The following SYT3 variants were observed in gnomAD, a reference collection of about 807,000 sequenced individuals.
SYT3 encodes the protein synaptotagmin 3.
Under a neutral mutation model 50.6 loss-of-function variants are expected in SYT3, and 25 were observed. The ratio of observed to expected loss-of-function variants is 0.49; its 90% CI spans 0.36 to 0.69. SYT3 has a LOEUF of 0.69. Ranked by LOEUF, SYT3 falls within the 30% of genes least tolerant of loss-of-function variation. The probability of loss-of-function intolerance (pLI) is 0.00; values close to 1 mark genes in which losing one functional copy is unlikely to be tolerated. For missense variants in SYT3, 589 were observed against 793.6 expected, an observed-to-expected ratio of 0.74 and a Z score of 3.10; for synonymous variants, 323 against 353.9, an observed-to-expected ratio of 0.91 and a Z score of 0.98.
In SYT3 at chr19:50,632,436, A is replaced by ACTG. The variant is rs753450517; in HGVS notation, c.521_523dup (p.Ala174dup). ...TTGGCTCGGTTTGACCCCAGCGGCC[A>ACTG]CTGCTGCTGCTGCAGCCTCTGGATA... On this transcript the variant is annotated inframe_insertion, in exon 4 of 11. Transcript: ENST00000600079. This position sits in a 1 kb window ranked among gnomAD's most constrained non-coding sequence, Gnocchi z 4.7. 89 of 1,613,236 alleles carry ACTG rather than the reference A, an allele frequency of 5.5e-5. No individual in the cohort carries two copies. Among genetic ancestry groups the ACTG allele is most frequent in the Non-Finnish European group, 7.0e-5 (82 of 1,179,848 alleles).
chr19:50,640,347 A>G (rs1000280466), upstream of SYT3, among the ~76,000 whole-genome samples: 3 of 152,228 alleles, frequency 2.0e-5, no homozygotes, highest in African/African-American at 7.2e-5. Flanking sequence ...AATACACACC[A>G]TAAACTTATT....
At chr19:50,649,445 A>G in the SYT3 span, 5 of 1,536,072 alleles carry the variant, frequency 3.3e-6, no homozygotes, top group African/African-American at 2.7e-5. Context: ...CCTTCCCAGG[A>G]TGCAGCCAGA....
At chr19:50,623,583 C>G (rs1213863610) in intron 9 of SYT3, among the ~76,000 whole-genome samples, 1 of 133,296 alleles carries the variant, frequency 7.5e-6, no homozygotes, top group African/African-American at 3.0e-5. Flanking sequence ...TTGAGACCAG[C>G]CTGGACAACA....
rs1166446177 is a variant in SYT3, at chr19:50,625,560, G to A, written c.1407C>T (p.Pro469=). The part of the protein sequence containing the change: ...KAMDLTGFSD[P]YVKASLISEG... ...CGCTGATCAGGGAGGCCTTCACGTA[G>A]GGGTCTGGGAACAGCAATGAAGTAA... is the stretch of plus-strand genomic sequence containing the variant. The change falls in exon 8 of 11, where the codon CCC becomes CCT. Residue 469 remains proline (P), a synonymous_variant. Transcript: ENST00000600079. The surrounding 1 kb of genome is among the most constrained non-coding windows in gnomAD (Gnocchi z 7.5). The A allele has an allele frequency of 6.3e-7, 1 of 1,589,382 alleles. No homozygotes were observed. The highest frequency in any genetic ancestry group is 8.6e-7 in the Non-Finnish European group (1 of 1,168,696).
intron 4 of SYT3, among the ~76,000 whole-genome samples, chr19:50,631,882 T>G (rs562844632): frequency 3.2e-4 from 49 of 152,084 alleles, no homozygotes; most frequent in African/African-American, 1.2e-3. Flanking sequence ...TACATTTACA[T>G]GTATATTGAG....
At position 50,625,710 on chromosome 19, in the gene SYT3, C is replaced by T; in HGVS notation, c.1403-146G>A. The T allele has an allele frequency of 7.1e-7, 1 of 1,417,224 alleles. No individual in the cohort carries two copies. The highest frequency in any genetic ancestry group is 1.4e-5 in the South Asian group (1 of 73,132). The allele number at this position is 1,417,224 out of a possible 1,614,324, so 87.8% of individuals were successfully genotyped here. A position where few individuals can be genotyped will look rare whatever the true frequency, so the allele number is the denominator to read the frequency against. The stretch of plus-strand genomic sequence containing the variant: ...CCCTCCTTCCTCAGGCCCAAGAGTC[C>T]AGACCCCAGGTCCTCCTCTCTCCGA... On this transcript the variant is annotated intron_variant, in intron 7 of 10. Transcript: ENST00000600079. The surrounding 1 kb of genome is among the most constrained non-coding windows in gnomAD (Gnocchi z 7.5).
At chr19:50,627,112 G>GC (rs1321236296) in intron 6 of SYT3, among the ~76,000 whole-genome samples, 1 of 152,204 alleles carries the variant, frequency 6.6e-6, no homozygotes, top group Non-Finnish European at 1.5e-5. Flanking sequence ...AGCCACGCTG[G>GC]AGCTAGCTGG....
intron 9 of SYT3, among the ~76,000 whole-genome samples, chr19:50,623,184 T>C (rs1006251225): frequency 2.0e-5 from 3 of 151,992 alleles, no homozygotes; most frequent in African/African-American, 7.3e-5. Context: ...GCCACCAGCG[T>C]TGCCCAACAT....
chr19:50,645,759 A>G, the SYT3 span, among the ~76,000 whole-genome samples: 1 of 152,148 alleles, frequency 6.6e-6, no homozygotes, highest in Non-Finnish European at 1.5e-5. Flanking sequence ...GTGCGCCTGT[A>G]GTTCCACCTA....
chr19:50,626,086 C>G, intron 6 of SYT3, 69 bp from the exon 7 acceptor site: 4 of 1,551,608 alleles, frequency 2.6e-6, no homozygotes. Flanking sequence ...ATTTTCTCTC[C>G]GGTCGGAGCC....
chr19:50,644,652 T>C (rs1473201770), upstream of SYT3, among the ~76,000 whole-genome samples: 1 of 151,396 alleles, frequency 6.6e-6, no homozygotes, highest in Non-Finnish European at 1.5e-5. Flanking sequence ...TGTGGATGGG[T>C]GGATGGATGT....
At chr19:50,631,138 GAA>G (rs1984286196) in intron 4 of SYT3, among the ~76,000 whole-genome samples, 1 of 149,002 alleles carries the variant, frequency 6.7e-6, no homozygotes. Context: ...TCACATCTCT[GAA>G]GTTTTCTTTT....
At chr19:50,641,142 G>C (rs1434713086), upstream of SYT3, among the ~76,000 whole-genome samples, 13 of 150,602 alleles carry the variant, frequency 8.6e-5, no homozygotes, top group East Asian at 2.6e-3. Context: ...AGGAGGCTGA[G>C]GTGGGAGGAT....
intron 2 of SYT3, among the ~76,000 whole-genome samples, chr19:50,638,222 C>T (rs776794878): frequency 3.9e-5 from 6 of 152,140 alleles, no homozygotes; most frequent in South Asian, 4.2e-4. Flanking sequence ...GGGGCAGTGG[C>T]GCCAGGATGG....
chr19:50,643,926 G>C (rs915366220), upstream of SYT3, among the ~76,000 whole-genome samples: 1 of 152,166 alleles, frequency 6.6e-6, no homozygotes, highest in African/African-American at 2.4e-5. Context: ...TTTCAGCTGA[G>C]CTCAGAAGGA....
the SYT3 span, among the ~76,000 whole-genome samples, chr19:50,656,923 G>A: frequency 2.2e-4 from 32 of 148,116 alleles, no homozygotes; most frequent in Non-Finnish European, 2.7e-4. Context: ...CTGCACTCCA[G>A]CCTGGGTGAC....
In SYT3 at chr19:50,630,157, G is replaced by A. The variant is rs1235455746; in HGVS notation, c.689C>T (p.Pro230Leu). 6.4e-7 allele frequency: 1 copy of A among 1,565,424 alleles called. No individual in the cohort carries two copies. Among genetic ancestry groups the A allele is most frequent in the Middle Eastern group, 2.0e-4 (1 of 4,918 alleles). Residue 230 changes from proline (P) to leucine (L), a missense_variant, in exon 5 of 11, where the codon CCC (proline) becomes CTC (leucine). Transcript: ENST00000600079. ...CAGAGTCTGCTGGGTGAGGGGTCGG[G>A]GCAGGGCTGGGTACCTGTAGGGGGT... ...LAPTTRYPAL[P>L]RPLTQQTLTS...
chr19:50,624,422 C>T (rs1316720663), intron 9 of SYT3, among the ~76,000 whole-genome samples: 1 of 152,124 alleles, frequency 6.6e-6, no homozygotes, highest in Non-Finnish European at 1.5e-5. Context: ...AATAATTTGA[C>T]TTTCTTGGCT....
intron 3 of SYT3, among the ~76,000 whole-genome samples, chr19:50,636,728 T>C (rs950116722): frequency 2.6e-5 from 4 of 152,326 alleles, no homozygotes; most frequent in South Asian, 4.1e-4. Context: ...TGAGTAATCA[T>C]TGAGATGTGC....
Sources: gnomAD v4.1 joint callset for allele counts (sites outside exome capture counted in the v4.1 genomes callset) on GRCh38, gnomAD v4.1.1 for gene constraint, Gnocchi (gnomAD v3.1) non-coding constraint, MANE v1.5 for transcripts, NCBI Gene and HGNC (gene_info 2026-07-23, HGNC 2026-07-21) for gene names.